The following RPH3A variants were observed in gnomAD, a reference collection of about 807,000 sequenced individuals.
RPH3A encodes rabphilin 3A, also known as rabphilin-3A.
RPH3A carries 48 observed loss-of-function variants against 102.2 expected under a neutral mutation model. The observed-to-expected ratio is 0.47, with a 90% CI of 0.37 to 0.60. The LOEUF (loss-of-function observed/expected upper bound fraction) is 0.60, where lower values mean the gene tolerates loss of function less well. RPH3A is among the 20% of genes least tolerant of loss of function. RPH3A has a pLI of 0.00. For missense variants in RPH3A, 781 were observed against 910.1 expected, an observed-to-expected ratio of 0.86 and a Z score of 1.83; for synonymous variants, 310 against 324.3, an observed-to-expected ratio of 0.96 and a Z score of 0.47.
chr12:112,795,447 T>A (rs967453494), intron 2 of RPH3A, among the ~76,000 whole-genome samples: 1 of 152,214 alleles, frequency 6.6e-6, no homozygotes, highest in African/African-American at 2.4e-5. Flanking sequence ...AGAGCCTTGA[T>A]GTGCTGAAAG....
intron 1 of RPH3A, among the ~76,000 whole-genome samples, chr12:112,585,077 C>G (rs2039428270): frequency 6.6e-6 from 1 of 151,800 alleles, no homozygotes; most frequent in Non-Finnish European, 1.5e-5. Flanking sequence ...AGCTGAAGAA[C>G]TTGGAGTCCG....
chr12:112,586,581 G>A (rs1382282443), intron 1 of RPH3A, among the ~76,000 whole-genome samples: 2 of 152,128 alleles, frequency 1.3e-5, no homozygotes, highest in African/African-American at 4.8e-5. Context: ...AAGCTAGAGG[G>A]AGTGTGCAGA....
At chr12:112,577,208 C>T (rs2039366637) in intron 1 of RPH3A, among the ~76,000 whole-genome samples, 2 of 152,336 alleles carry the variant, frequency 1.3e-5, no homozygotes, top group South Asian at 4.1e-4. Flanking sequence ...ATAGGCAGAG[C>T]AGCAGCATGG....
At chr12:112,748,912 G>T (rs780388810) in intron 1 of RPH3A, among the ~76,000 whole-genome samples, 1 of 151,940 alleles carries the variant, frequency 6.6e-6, no homozygotes, top group East Asian at 1.9e-4. Flanking sequence ...CAATTCCCAA[G>T]ATTTAAAAGC....
chr12:112,778,311 C>T (rs1204802833), intron 1 of RPH3A, among the ~76,000 whole-genome samples: 1 of 152,230 alleles, frequency 6.6e-6, no homozygotes, highest in Non-Finnish European at 1.5e-5. Flanking sequence ...CTGGCTCCCA[C>T]TGATGCTTCT....
At position 112,684,129 on chromosome 12, in the gene RPH3A, A is replaced by G. The variant is rs182057972; in HGVS notation, c.-139-108014A>G. Among the ~76,000 whole-genome samples the G allele has an allele frequency of 2.0e-3, 308 of 152,342 alleles. 1 individual carries two copies. The highest frequency in any genetic ancestry group is 7.2e-3 in the African/African-American group (299 of 41,576). On this transcript the variant is annotated intron_variant, in intron 1 of 21. Transcript: ENST00000543106. The stretch of plus-strand genomic sequence containing the variant: ...TATTTCCATTAGACTGATTCCTAAG[A>G]GTAGAGTTGTGTCAAAGGTGTACAT...
chr12:112,620,922 C>G (rs79915138), intron 1 of RPH3A, among the ~76,000 whole-genome samples: 1 of 152,184 alleles, frequency 6.6e-6, no homozygotes, highest in African/African-American at 2.4e-5. Context: ...TGCCATCACC[C>G]GGGGCCAACT....
chr12:112,823,834 C>G (rs530968692), intron 2 of RPH3A, among the ~76,000 whole-genome samples: 1 of 152,242 alleles, frequency 6.6e-6, no homozygotes, highest in South Asian at 2.1e-4. Flanking sequence ...GTTGACTCAC[C>G]CTCAACTCCT....
chr12:112,684,361 C>A (rs971248047), intron 1 of RPH3A, among the ~76,000 whole-genome samples: 2 of 152,040 alleles, frequency 1.3e-5, no homozygotes, highest in African/African-American at 4.8e-5. Context: ...TGGGTTCAGG[C>A]GATTCTCCTG....
intron 1 of RPH3A, among the ~76,000 whole-genome samples, chr12:112,647,237 C>G (rs926888417): frequency 1.3e-5 from 2 of 152,138 alleles, no homozygotes; most frequent in Non-Finnish European, 2.9e-5. Flanking sequence ...AACCCCACCT[C>G]AAGCCATTTG....
intron 1 of RPH3A, among the ~76,000 whole-genome samples, chr12:112,724,358 G>C (rs1014120823): frequency 3.9e-5 from 6 of 152,050 alleles, no homozygotes; most frequent in African/African-American, 1.4e-4. Context: ...AGCCACTGTG[G>C]CTGGCCAATA....
intron 5 of RPH3A, among the ~76,000 whole-genome samples, chr12:112,858,208 A>T (rs1432039257): frequency 7.2e-6 from 1 of 139,810 alleles, no homozygotes; most frequent in Non-Finnish European, 1.5e-5. Context: ...TTGAGGCTGC[A>T]GCGAGCTATG....
chr12:112,826,901 T>C (rs1370009259), intron 2 of RPH3A, among the ~76,000 whole-genome samples: 1 of 152,220 alleles, frequency 6.6e-6, no homozygotes, highest in Non-Finnish European at 1.5e-5. Flanking sequence ...TAAACATTCT[T>C]GTACATGTCT....
chr12:112,740,651 G>A (rs905067795), intron 1 of RPH3A, among the ~76,000 whole-genome samples: 5 of 152,260 alleles, frequency 3.3e-5, no homozygotes, highest in African/African-American at 1.2e-4. Flanking sequence ...TTTCATAGAA[G>A]CTTCAGTTAC....
At chr12:112,892,218 C>G (rs1593137249) in intron 19 of RPH3A, among the ~76,000 whole-genome samples, 1 of 152,180 alleles carries the variant, frequency 6.6e-6, no homozygotes, top group Non-Finnish European at 1.5e-5. Flanking sequence ...CTTAACATCT[C>G]TAGGCCTCAG....
chr12:112,688,448 G>A (rs374351970), intron 1 of RPH3A, among the ~76,000 whole-genome samples: 2 of 152,102 alleles, frequency 1.3e-5, no homozygotes, highest in Non-Finnish European at 2.9e-5. Flanking sequence ...GAACCTCAAG[G>A]ATTGTGACTT....
intron 1 of RPH3A, among the ~76,000 whole-genome samples, chr12:112,580,414 T>TTTTTTC (rs2039390326): frequency 1.4e-5 from 2 of 140,646 alleles, no homozygotes; most frequent in Non-Finnish European, 3.1e-5. Flanking sequence ...TTTTTTTTTT[T>TTTTTTC]TTTTTCTGAG....
At chr12:112,840,592 C>T (rs890107364) in intron 4 of RPH3A, among the ~76,000 whole-genome samples, 1 of 152,128 alleles carries the variant, frequency 6.6e-6, no homozygotes, top group Non-Finnish European at 1.5e-5. Context: ...GGATCTTGGG[C>T]ATGCTAAAGT....
chr12:112,762,919 C>T lies in RPH3A; in HGVS notation c.-139-29224C>T, dbSNP rs953745686. On this transcript the variant is annotated intron_variant, in intron 1 of 21. Coordinates refer to the RPH3A transcript ENST00000543106. Reference sequence around the variant, plus strand: ...GGCCAGGAAGAAGGAATATGCTGATCGGACAGATTTGGGTCATGTGACCAT... The same window carrying T: ...GGCCAGGAAGAAGGAATATGCTGATTGGACAGATTTGGGTCATGTGACCAT... Among the ~76,000 whole-genome samples, 7 of 152,176 alleles carry T rather than the reference C, an allele frequency of 4.6e-5. No homozygotes were observed. The East Asian group carries it at 7.7e-4, about 17-fold the overall frequency.
Sources: gnomAD v4.1 joint callset for allele counts (sites outside exome capture counted in the v4.1 genomes callset) on GRCh38, gnomAD v4.1.1 for gene constraint, MANE v1.5 for transcripts, NCBI Gene and HGNC (gene_info 2026-07-23, HGNC 2026-07-21) for gene names.